The following NR3C1 variants were observed in gnomAD, a reference collection of about 807,000 sequenced individuals.
NR3C1 encodes the protein glucocorticoid receptor.
Under a neutral mutation model 74.0 loss-of-function variants are expected in NR3C1, and 14 were observed. That is an observed-to-expected ratio of 0.19 (90% CI 0.12 to 0.30). The LOEUF (loss-of-function observed/expected upper bound fraction) is 0.30, where lower values mean the gene tolerates loss of function less well. NR3C1 is among the 10% of genes least tolerant of loss of function. The pLI, the probability that NR3C1 is intolerant of heterozygous loss-of-function variation, is 1.00. For missense variants in NR3C1, 695 were observed against 909.8 expected (o/e 0.76, Z 3.04); for synonymous variants, 308 against 332.5 (o/e 0.93, Z 0.80).
intron 2 of NR3C1, among the ~76,000 whole-genome samples, chr5:143,344,381 T>TG (rs1308133603): frequency 6.6e-6 from 1 of 152,210 alleles, no homozygotes; most frequent in Non-Finnish European, 1.5e-5. Context: ...TTAGTTATTA[T>TG]GGTCTAAGTA....
At position 143,279,300 on chromosome 5, in the gene NR3C1, G is replaced by A; in HGVS notation, c.*2589C>T. 2.0e-6 allele frequency: 3 copies of A among 1,524,654 alleles called. No individual in the cohort carries two copies. Among genetic ancestry groups the A allele is most frequent in the Non-Finnish European group, 2.6e-6 (3 of 1,135,242 alleles). The allele number at this position is 1,524,654 out of a possible 1,614,324, so 94.4% of individuals were successfully genotyped here. A position where few individuals can be genotyped will look rare whatever the true frequency, so the allele number is the denominator to read the frequency against. On this transcript the variant is annotated 3_prime_UTR_variant, in exon 9 of 9. Coordinates refer to ENST00000394464, the MANE Select transcript of NR3C1 (RefSeq NM_000176.3). ...GTTGACTTATTATTGACAACGAAGT[G>A]CACATAATCTTCTTTTTCTCATTGA...
intron 2 of NR3C1, among the ~76,000 whole-genome samples, chr5:143,320,569 A>G (rs1490285421): frequency 6.6e-6 from 1 of 152,208 alleles, no homozygotes; most frequent in Non-Finnish European, 1.5e-5. Flanking sequence ...ATTAACTCCA[A>G]ATAAGCTGGC....
exon 1 of NR3C1, chr5:143,434,728 C>T (rs2151965952): frequency 1.0e-6 from 1 of 985,438 alleles, no homozygotes; most frequent in African/African-American, 1.7e-5. Context: ...GGCACACAAA[C>T]TGCACCTGCC....
chr5:143,418,879 G>T (rs1751064174), intron 1 of NR3C1, among the ~76,000 whole-genome samples: 1 of 152,152 alleles, frequency 6.6e-6, no homozygotes, highest in South Asian at 2.1e-4. Context: ...AGTTACCTCT[G>T]TTTCCTCATC....
intron 6 of NR3C1, 146 bp from the exon 7 acceptor site, chr5:143,295,736 A>G: frequency 3.0e-6 from 2 of 677,722 alleles, no homozygotes; most frequent in Non-Finnish European, 5.2e-6. Context: ...CTATAAAATC[A>G]GAATTTTGGA....
At chr5:143,405,107 C>A (rs1157976110), upstream of NR3C1, 2 of 985,344 alleles carry the variant, frequency 2.0e-6, no homozygotes, top group Non-Finnish European at 2.4e-6. Flanking sequence ...CCCAGCTCGC[C>A]GCGTCGGGAA....
intron 2 of NR3C1, among the ~76,000 whole-genome samples, chr5:143,323,211 G>T (rs1250783073): frequency 6.6e-6 from 1 of 152,150 alleles, no homozygotes; most frequent in Non-Finnish European, 1.5e-5. Context: ...TGTATTAGTT[G>T]TTTTCACACT....
intron 1 of NR3C1, among the ~76,000 whole-genome samples, chr5:143,421,850 TCTTA>T (rs954182110): frequency 7.9e-5 from 12 of 152,086 alleles, no homozygotes; most frequent in Non-Finnish European, 1.6e-4. Flanking sequence ...GAGTTGTTTC[TCTTA>T]CTTTTTATTC....
chr5:143,400,967 G>A lies in NR3C1; in HGVS notation c.-13-115C>T, dbSNP rs10482620. 1.2e-3 allele frequency: 951 copies of A among 801,294 alleles called. 2 individuals are homozygous for A. In the African/African-American group the frequency reaches 0.013, roughly 11 times the overall value. The allele number at this position is 801,294 out of a possible 1,614,324, so 49.6% of individuals were successfully genotyped here. On this transcript the variant is annotated intron_variant, in intron 1 of 8. Coordinates refer to ENST00000394464, the MANE Select transcript of NR3C1 (RefSeq NM_000176.3). ...TTAAATGAACCTTTTAGTTAACTCC[G>A]AATCAAATTCTTTGTTACCAGAAGA...
At chr5:143,343,374 G>T (rs966183663) in intron 2 of NR3C1, among the ~76,000 whole-genome samples, 1 of 152,072 alleles carries the variant, frequency 6.6e-6, no homozygotes, top group Non-Finnish European at 1.5e-5. Flanking sequence ...TAGTCTCCTC[G>T]GGACTTTCTA....
chr5:143,393,234 T>C (rs1838605354), intron 2 of NR3C1, among the ~76,000 whole-genome samples: 1 of 152,196 alleles, frequency 6.6e-6, no homozygotes, highest in African/African-American at 2.4e-5. Context: ...TCTATTTGTC[T>C]TACATTCGAT....
chr5:143,398,250 C>T (rs989788232), intron 2 of NR3C1, among the ~76,000 whole-genome samples: 9 of 151,686 alleles, frequency 5.9e-5, no homozygotes, highest in African/African-American at 2.2e-4. Flanking sequence ...AGATTTTAAA[C>T]CTTCAACTCA....
intron 2 of NR3C1, among the ~76,000 whole-genome samples, chr5:143,354,998 T>C (rs1830889055): frequency 6.6e-6 from 1 of 151,206 alleles, no homozygotes; most frequent in Non-Finnish European, 1.5e-5. Context: ...ATGAAAAAGT[T>C]TGATATATTG....
chr5:143,311,543 A>T (rs1222458250), intron 3 of NR3C1, among the ~76,000 whole-genome samples: 3 of 152,202 alleles, frequency 2.0e-5, no homozygotes, highest in Non-Finnish European at 4.4e-5. Context: ...TCTGTTCCTT[A>T]TCTATAAAAT....
chr5:143,365,290 T>C (rs1600291547), intron 2 of NR3C1, among the ~76,000 whole-genome samples: 1 of 152,202 alleles, frequency 6.6e-6, no homozygotes, highest in South Asian at 2.1e-4. Context: ...AATTGCTATC[T>C]ACAGAGATTC....
At chr5:143,399,187 C>T (rs1839786208) in intron 2 of NR3C1, among the ~76,000 whole-genome samples, 1 of 152,216 alleles carries the variant, frequency 6.6e-6, no homozygotes, top group African/African-American at 2.4e-5. Context: ...CTGCTTTTAA[C>T]TCTTTAATCT....
In NR3C1 at chr5:143,387,130, G is replaced by A. The variant is rs543012254; in HGVS notation, c.1184+12526C>T. Among the ~76,000 whole-genome samples the A allele has an allele frequency of 1.5e-4, 23 of 152,288 alleles. No homozygotes were observed. The South Asian group carries it at 4.6e-3, about 30-fold the overall frequency. On this transcript the variant is annotated intron_variant, in intron 2 of 8. Transcript: ENST00000394464. ...ACTAGGGTGTGGCCAGTTTTTTCCT[G>A]TTGTGTTGGCTTCTCAGGGAACAGA...
chr5:143,324,887 A>G (rs983265309), intron 2 of NR3C1, among the ~76,000 whole-genome samples: 2 of 152,186 alleles, frequency 1.3e-5, no homozygotes, highest in East Asian at 3.8e-4. Flanking sequence ...CTTTTTGCTA[A>G]AACATAACAT....
rs529320390 is a variant in NR3C1, at chr5:143,282,640, C to G, written c.2109G>C (p.Lys703Asn). 6.2e-7 allele frequency: 1 copy of G among 1,614,056 alleles called. No individual in the cohort carries two copies. The highest frequency in any genetic ancestry group is 2.2e-5 in the East Asian group (1 of 44,876). Residue 703 changes from lysine (K) to asparagine (N), a missense_variant, in exon 8 of 9, where the codon AAG becomes AAC. Around this residue, in one of 4 missense-constraint regions of NR3C1, gnomAD observed 133 missense variants for 287.9 expected, o/e 0.46. Coordinates refer to ENST00000394464, the MANE Select transcript of NR3C1 (RefSeq NM_000176.3). ...YIKELGKAIV[K>N]REGNSSQNWQ... ...AGTTCTGGCTGGAGTTTCCTTCCCT[C>G]TTGACAATGGCTTTTCCTAGCTCTT...
Sources: gnomAD v4.1 joint callset for allele counts (sites outside exome capture counted in the v4.1 genomes callset) on GRCh38, gnomAD v4.1.1 for gene constraint, gnomAD v4.1.1 regional missense constraint, MANE v1.5 for transcripts, NCBI Gene and HGNC (gene_info 2026-07-23, HGNC 2026-07-21) for gene names.